MACROD2: variants seen among roughly 807,000 people sequenced by gnomAD.
MACROD2 encodes the protein mono-ADP ribosylhydrolase 2.
Under a neutral mutation model 70.4 loss-of-function variants are expected in MACROD2, and 36 were observed. The ratio of observed to expected loss-of-function variants is 0.51; its 90% CI spans 0.39 to 0.68. The LOEUF (loss-of-function observed/expected upper bound fraction) is 0.68. MACROD2 is among the 30% of genes least tolerant of loss of function. The pLI is 0.00. For synonymous variants in MACROD2, 172 were observed against 178.8 expected, an observed-to-expected ratio of 0.96 and a Z score of 0.30; for missense variants, 496 against 538.4, an observed-to-expected ratio of 0.92 and a Z score of 0.78.
chr20:15,420,917 T>C (rs1477586043), intron 6 of MACROD2, among the ~76,000 whole-genome samples: 2 of 152,070 alleles, frequency 1.3e-5, no homozygotes, highest in South Asian at 2.1e-4. Flanking sequence ...GAGACCCTCG[T>C]CTTTCCGAAA....
intron 4 of MACROD2, among the ~76,000 whole-genome samples, chr20:14,634,556 G>T: frequency 9.1e-6 from 1 of 109,816 alleles, no homozygotes; most frequent in Non-Finnish European, 1.7e-5. Context: ...CCGCCCAACT[G>T]GAGTTTAATT....
chr20:14,258,962 A>C (rs1441274120), intron 3 of MACROD2, among the ~76,000 whole-genome samples: 2 of 152,152 alleles, frequency 1.3e-5, no homozygotes, highest in African/African-American at 2.4e-5. Context: ...GTTTTTTCCC[A>C]GACAGAGTCT....
chr20:14,136,136 C>T (rs2054793529), intron 3 of MACROD2, among the ~76,000 whole-genome samples: 1 of 151,972 alleles, frequency 6.6e-6, no homozygotes, highest in Non-Finnish European at 1.5e-5. Context: ...TTAGCAAGGT[C>T]TCAGGATACA....
chr20:14,117,388 T>C (rs2054530233), intron 3 of MACROD2, among the ~76,000 whole-genome samples: 1 of 152,178 alleles, frequency 6.6e-6, no homozygotes, highest in Admixed American at 6.5e-5. Context: ...TCAATGTTGG[T>C]CATGTAGTTG....
intron 3 of MACROD2, among the ~76,000 whole-genome samples, chr20:14,419,056 T>G (rs2083845201): frequency 6.8e-6 from 1 of 146,382 alleles, no homozygotes. Flanking sequence ...TTTTTTTGTT[T>G]TGTTTTTTGT....
intron 6 of MACROD2, among the ~76,000 whole-genome samples, chr20:15,372,983 TTGAGGCTGCAGTGAGCTGTGATCATG>T (rs1568757457): frequency 6.6e-6 from 1 of 152,108 alleles, no homozygotes; most frequent in Non-Finnish European, 1.5e-5. Flanking sequence ...GACCCAGAGA[TTGAGGCTGCAGTGAGCTGTGATCATG>T]TGATCACACC....
intron 8 of MACROD2, among the ~76,000 whole-genome samples, chr20:15,602,231 G>A (rs1600654207): frequency 2.0e-5 from 3 of 152,212 alleles, no homozygotes; most frequent in East Asian, 3.9e-4. Flanking sequence ...GGTTGTATCC[G>A]CATTCTAGGT....
chr20:15,602,870 G>A (rs1270976798), intron 8 of MACROD2, among the ~76,000 whole-genome samples: 2 of 152,060 alleles, frequency 1.3e-5, no homozygotes, highest in East Asian at 3.9e-4. Context: ...CTCTACTAAT[G>A]GCTACCCTTT....
chr20:15,646,774 C>T lies in MACROD2; in HGVS notation c.645+146927C>T, dbSNP rs144295144. Among the ~76,000 whole-genome samples the T allele has an allele frequency of 5.3e-3, 806 of 152,246 alleles. 7 individuals carry two copies. The highest frequency in any genetic ancestry group is 0.019 in the African/African-American group (775 of 41,526). ...TCCTGCAGCCTTGTGAAAAAGGTGC[C>T]TTGCTTCTCCTTCGCCGTCCACCAT... On this transcript the variant is annotated intron_variant, in intron 8 of 17. Coordinates refer to ENST00000684519, the MANE Select transcript of MACROD2 (RefSeq NM_001351661.2).
At chr20:15,506,338 G>A (rs1401154445) in intron 8 of MACROD2, among the ~76,000 whole-genome samples, 2 of 152,206 alleles carry the variant, frequency 1.3e-5, no homozygotes, top group African/African-American at 4.8e-5. Context: ...CCAGAAAACA[G>A]AATTAGGAAT....
chr20:16,005,502 G>A (rs566405991), intron 15 of MACROD2, among the ~76,000 whole-genome samples: 1 of 152,254 alleles, frequency 6.6e-6, no homozygotes, highest in East Asian at 1.9e-4. Context: ...CAGAGAGAGC[G>A]TACTTCACCA....
intron 4 of MACROD2, among the ~76,000 whole-genome samples, chr20:14,552,433 G>A (rs1978721977): frequency 6.6e-6 from 1 of 151,044 alleles, no homozygotes; most frequent in South Asian, 2.1e-4. Context: ...AGAGTAAAGT[G>A]CACATGGAAG....
intron 7 of MACROD2, among the ~76,000 whole-genome samples, chr20:15,454,160 A>AAAGCC (rs1317602357): frequency 6.6e-6 from 1 of 152,148 alleles, no homozygotes; most frequent in Non-Finnish European, 1.5e-5. Flanking sequence ...AGTTATGACC[A>AAAGCC]AAGCCTTTGA....
chr20:14,754,318 G>A (rs2071912610), intron 5 of MACROD2, among the ~76,000 whole-genome samples: 1 of 152,042 alleles, frequency 6.6e-6, no homozygotes, highest in African/African-American at 2.4e-5. Flanking sequence ...CATGTCCTGA[G>A]CTTTTTCTAA....
intron 4 of MACROD2, among the ~76,000 whole-genome samples, chr20:14,625,913 C>T (rs1984122439): frequency 6.6e-6 from 1 of 152,180 alleles, no homozygotes; most frequent in Non-Finnish European, 1.5e-5. Context: ...ACCTCCAACT[C>T]TTGGGTTCAA....
intron 5 of MACROD2, among the ~76,000 whole-genome samples, chr20:14,921,361 C>T (rs1207526375): frequency 1.2e-4 from 19 of 152,126 alleles, no homozygotes; most frequent in Admixed American, 6.5e-4. Flanking sequence ...GATTTATAGC[C>T]GTCTTTGCCT....
intron 3 of MACROD2, among the ~76,000 whole-genome samples, chr20:14,130,919 GTGTTTTTTT>G (rs1235047576): frequency 1.8e-4 from 25 of 136,970 alleles, no homozygotes; most frequent in African/African-American, 6.3e-4. Context: ...TAAAATAATT[GTGTTTTTTT>G]TGTTTTTTTT....
At chr20:15,233,878 A>G (rs1289500358) in intron 6 of MACROD2, among the ~76,000 whole-genome samples, 3 of 146,724 alleles carry the variant, frequency 2.0e-5, no homozygotes, top group African/African-American at 7.6e-5. Context: ...GTGCAAGTTT[A>G]TTTCTTCCAA....
chr20:14,850,072 A>G (rs774233760), intron 5 of MACROD2: 1 of 474,008 alleles, frequency 2.1e-6, no homozygotes, highest in Non-Finnish European at 4.2e-6. Context: ...TGAAATCTCA[A>G]TACTTGTGGC....
Sources: gnomAD v4.1 joint callset for allele counts (sites outside exome capture counted in the v4.1 genomes callset) on GRCh38, gnomAD v4.1.1 for gene constraint, MANE v1.5 for transcripts, NCBI Gene and HGNC (gene_info 2026-07-23, HGNC 2026-07-21) for gene names.